Variants in ARHGAP32 observed in about 807,000 individuals in gnomAD.
ARHGAP32 encodes the protein Rho GTPase activating protein 32.
A neutral mutation model predicts 186.5 loss-of-function variants in ARHGAP32; 51 were observed. That is an observed-to-expected ratio of 0.27 (90% CI 0.22 to 0.35). The LOEUF (loss-of-function observed/expected upper bound fraction) is 0.35. Among genes scored for constraint, ARHGAP32 ranks in the 10% least tolerant of loss-of-function variants. The probability of loss-of-function intolerance (pLI) is 1.00; values close to 1 mark genes in which losing one functional copy is unlikely to be tolerated. For missense variants in ARHGAP32, 2,186 were observed against 2,623.5 expected (o/e 0.83, Z 3.64); for synonymous variants, 950 against 964.3 (o/e 0.99, Z 0.27).
chr11:129,165,693 T>C (rs1462457082), intron 1 of ARHGAP32, among the ~76,000 whole-genome samples: 1 of 150,818 alleles, frequency 6.6e-6, no homozygotes, highest in Non-Finnish European at 1.5e-5. Flanking sequence ...TAAAATGGCA[T>C]TTGTGATTTT....
rs182462770 is a variant in ARHGAP32 at position 129,043,634 on chromosome 11, C to A, written c.964-2625G>T. On this transcript the variant is annotated intron_variant, in intron 10 of 22. Transcript: ENST00000682385. ...AACTCCCAACCTCAGGTGATCTACT[C>A]ACCTTGGCCTCCCAAAGTGCTGGGA... Among the ~76,000 whole-genome samples, 392 of 152,134 alleles carry A rather than the reference C, an allele frequency of 2.6e-3. 5 individuals carry two copies. The highest frequency in any genetic ancestry group is 9.0e-3 in the African/African-American group (372 of 41,522).
intron 5 of ARHGAP32, among the ~76,000 whole-genome samples, chr11:129,107,991 G>A (rs1177243199): frequency 6.7e-6 from 1 of 150,348 alleles, no homozygotes; most frequent in African/African-American, 2.5e-5. Context: ...TAACCATAAA[G>A]AGAACAGCCA....
chr11:129,080,238 C>G (rs1941182139), intron 6 of ARHGAP32, among the ~76,000 whole-genome samples: 1 of 152,072 alleles, frequency 6.6e-6, no homozygotes, highest in African/African-American at 2.4e-5. Flanking sequence ...AAACTATACC[C>G]TAGAACAAAT....
chr11:129,080,887 A>T (rs1192798534), intron 6 of ARHGAP32, among the ~76,000 whole-genome samples: 1 of 152,094 alleles, frequency 6.6e-6, no homozygotes, highest in Non-Finnish European at 1.5e-5. Flanking sequence ...AAACGAGAAG[A>T]TCCAACTAAG....
At chr11:129,258,255 C>G (rs1385281647) in intron 1 of ARHGAP32, among the ~76,000 whole-genome samples, 4 of 151,986 alleles carry the variant, frequency 2.6e-5, no homozygotes, top group Admixed American at 2.6e-4. Flanking sequence ...CAAAATAAAC[C>G]AAAACTAAAA....
At chr11:129,011,798 A>G (rs753691694) in intron 11 of ARHGAP32, among the ~76,000 whole-genome samples, 11 of 152,118 alleles carry the variant, frequency 7.2e-5, no homozygotes, top group Non-Finnish European at 1.2e-4. Context: ...ACCTACTGAT[A>G]GGGAGTAATC....
Position 129,155,602 on chromosome 11 carries a change from C to T in ARHGAP32, c.225+8717G>A, listed in dbSNP as rs529004142. Among the ~76,000 whole-genome samples, 3 of 152,154 alleles carry T rather than the reference C, an allele frequency of 2.0e-5. No individual in the cohort carries two copies. The South Asian group carries it at 6.2e-4, about 32-fold the overall frequency. ...AAATAACAAGATTGCAACCTAAGTA[C>T]ATTTCCTAGTAGTTCATTTATCAGC... On this transcript the variant is annotated intron_variant, in intron 2 of 22. Transcript: ENST00000682385.
chr11:129,006,768 A>C (rs982496581), intron 11 of ARHGAP32, among the ~76,000 whole-genome samples: 1 of 152,176 alleles, frequency 6.6e-6, no homozygotes, highest in Non-Finnish European at 1.5e-5. Flanking sequence ...AGGACTGTAT[A>C]ATCAGCAGGT....
At chr11:129,204,413 G>T (rs970098736) in intron 1 of ARHGAP32, among the ~76,000 whole-genome samples, 4 of 152,178 alleles carry the variant, frequency 2.6e-5, no homozygotes, top group Non-Finnish European at 5.9e-5. Context: ...TAGGGGTAAG[G>T]CTATGCAAAA....
intron 6 of ARHGAP32, among the ~76,000 whole-genome samples, chr11:129,072,438 T>C (rs1409419226): frequency 2.6e-5 from 4 of 152,146 alleles, no homozygotes; most frequent in Non-Finnish European, 4.4e-5. Flanking sequence ...TGGTCTGCTA[T>C]GTAAGGAGCT....
chr11:129,083,255 A>C (rs558783289), intron 6 of ARHGAP32, among the ~76,000 whole-genome samples: 22 of 152,320 alleles, frequency 1.4e-4, no homozygotes, highest in Admixed American at 1.4e-3. Flanking sequence ...GAAGAAAGTA[A>C]GTCATTATAG....
chr11:129,266,164 G>C (rs921980569), intron 1 of ARHGAP32, among the ~76,000 whole-genome samples: 1 of 152,208 alleles, frequency 6.6e-6, no homozygotes, highest in Non-Finnish European at 1.5e-5. Flanking sequence ...GGTTAGTAGA[G>C]AGAAATACCA....
chr11:128,981,774 C>G (rs1389458796), intron 16 of ARHGAP32, 55 bp downstream of exon 16: 12 of 1,334,058 alleles, frequency 9.0e-6, no homozygotes, highest in African/African-American at 1.5e-5. Flanking sequence ...ACTGATGAAT[C>G]AGCCTTTTAT....
intron 11 of ARHGAP32, among the ~76,000 whole-genome samples, chr11:128,999,176 T>C (rs1403455287): frequency 1.3e-5 from 2 of 152,202 alleles, no homozygotes; most frequent in East Asian, 1.9e-4. Flanking sequence ...GGAACAGCCC[T>C]GGGAAAGAGA....
At chr11:128,985,206 C>T (rs1019941228) in intron 15 of ARHGAP32, among the ~76,000 whole-genome samples, 3 of 151,980 alleles carry the variant, frequency 2.0e-5, no homozygotes, top group Admixed American at 6.6e-5. Flanking sequence ...TTAGTAGAGA[C>T]GGGGTTTTGC....
chr11:128,983,456 G>A (rs1467818192), intron 15 of ARHGAP32, among the ~76,000 whole-genome samples: 1 of 149,382 alleles, frequency 6.7e-6, no homozygotes, highest in Non-Finnish European at 1.5e-5. Context: ...AGATCACATG[G>A]ACACAAGAAG....
Position 128,974,784 on chromosome 11 carries a change from C to G in ARHGAP32, c.2413G>C (p.Ala805Pro), listed in dbSNP as rs1023795757. The part of the protein sequence containing the change: ...VDLSPPDIGV[A>P]SLDFDPMSFQ... ...GACATTGGATCAAAATCCAGGCTGG[C>G]TACTCCAATGTCTGGTGGGCTCAAG... The change falls in exon 21 of 23, where the codon GCC (alanine) becomes CCC (proline). Residue 805 changes from alanine (A) to proline (P), a missense_variant. Around this residue, in one of 5 missense-constraint regions of ARHGAP32, gnomAD observed 263 missense variants for 323.5 expected, o/e 0.81. Coordinates refer to ENST00000682385, the MANE Select transcript of ARHGAP32 (RefSeq NM_001378024.1). 1.9e-6 allele frequency: 3 copies of G among 1,614,088 alleles called. No individual in the cohort carries two copies. The highest frequency in any genetic ancestry group is 1.7e-6 in the Non-Finnish European group (2 of 1,179,996).
chr11:128,969,276 G>A lies in ARHGAP32; in HGVS notation c.5937C>T (p.Asp1979=), dbSNP rs2136057119. The change falls in exon 23 of 23, where the codon GAC becomes GAT. Residue 1979 remains aspartate (D), a synonymous_variant. Coordinates refer to ENST00000682385, the MANE Select transcript of ARHGAP32 (RefSeq NM_001378024.1). This position sits in a 1 kb window ranked among gnomAD's most constrained non-coding sequence, Gnocchi z 4.8. ...QPSAPEKHSR[D]CYKEEEHLTQ... is the part of the protein sequence containing the mutation. ...TGAGGTGTTCTTCCTCCTTGTAGCA[G>A]TCTCTGGAGTGTTTCTCTGGGGCAG... 6.2e-7 allele frequency: 1 copy of A among 1,614,248 alleles called. No homozygotes were observed. Among genetic ancestry groups the A allele is most frequent in the Non-Finnish European group, 8.5e-7 (1 of 1,180,042 alleles).
chr11:128,970,931 G>C lies in ARHGAP32; in HGVS notation c.4282C>G (p.Pro1428Ala). Residue 1428 changes from proline (P) to alanine (A), a missense_variant, in exon 23 of 23, where the codon CCC (proline) becomes GCC (alanine). Physicochemically the swap from Pro to Ala is conservative, Grantham distance 27. Transcript: ENST00000682385. The surrounding 1 kb of genome is among the most constrained non-coding windows in gnomAD (Gnocchi z 5.8). ...TTACTCTCCATCATCCTGGTGGGGG[G>C]CAGTGGTGCAGGAAAGCCACAGGGA... ...AHPCGFPAPL[P>A]PTRMMESKMI... 6.2e-7 allele frequency: 1 copy of C among 1,613,996 alleles called. No homozygotes were observed. Among genetic ancestry groups the C allele is most frequent in the Non-Finnish European group, 8.5e-7 (1 of 1,179,952 alleles).
Sources: allele counts gnomAD v4.1 joint callset (sites outside exome capture counted in the v4.1 genomes callset), GRCh38; gene constraint gnomAD v4.1.1; regional missense constraint gnomAD v4.1.1; non-coding constraint Gnocchi (gnomAD v3.1); transcripts MANE v1.5; gene names NCBI Gene and HGNC (gene_info 2026-07-23, HGNC 2026-07-21).